Variants in SPTB observed in about 807,000 individuals in gnomAD.
The protein encoded by SPTB is spectrin beta chain, erythrocytic.
Under a neutral mutation model 256.2 loss-of-function variants are expected in SPTB, and 45 were observed. That is an observed-to-expected ratio of 0.18 (90% CI 0.14 to 0.23). The LOEUF is 0.23. Ranked by LOEUF, SPTB falls within the 10% of genes least tolerant of loss-of-function variation. SPTB has a pLI of 1.00. For missense variants in SPTB, 2,715 were observed against 3,040.4 expected (o/e 0.89, Z 2.52); for synonymous variants, 1,231 against 1,243.1 (o/e 0.99, Z 0.21).
At chr14:64,813,660 C>T (rs2083133622) in intron 2 of SPTB, among the ~76,000 whole-genome samples, 1 of 152,162 alleles carries the variant, frequency 6.6e-6, no homozygotes, top group Non-Finnish European at 1.5e-5. Flanking sequence ...GTAGCTGGGA[C>T]TACAGGCAAG....
At chr14:64,878,964 G>A (rs1882969665) in intron 1 of SPTB, among the ~76,000 whole-genome samples, 1 of 152,200 alleles carries the variant, frequency 6.6e-6, no homozygotes, top group South Asian at 2.1e-4. Context: ...CTCCAGCCCC[G>A]CAGCTGCTTC....
At position 64,767,889 on chromosome 14, in the gene SPTB, C is replaced by A. The variant is rs1284191564; in HGVS notation, c.6023-30G>T. The A allele has an allele frequency of 8.1e-6, 13 of 1,611,006 alleles. No homozygotes were observed. Among genetic ancestry groups the A allele is most frequent in the South Asian group, 4.4e-5 (4 of 90,852 alleles). ...CAGGGGGAACAGGACACAGACCCCC[C>A]ACAAGGCCCAGGGCCTGTTAGCACC... On this transcript the variant is annotated intron_variant, in intron 29 of 35. Coordinates refer to ENST00000644917, the MANE Select transcript of SPTB (RefSeq NM_001355436.2).
At chr14:64,753,442 C>T in intron 33 of SPTB, 95 bp downstream of exon 33, 2 of 1,592,428 alleles carry the variant, frequency 1.3e-6, no homozygotes, top group Admixed American at 1.7e-5. Flanking sequence ...GCACCCCTCC[C>T]CCAGCACATG....
intron 15 of SPTB, among the ~76,000 whole-genome samples, chr14:64,789,211 G>GTA (rs1343516864): frequency 1.3e-5 from 2 of 152,054 alleles, no homozygotes; most frequent in African/African-American, 4.8e-5. Context: ...AATTAGCTGG[G>GTA]TATAGTAGTG....
Position 64,753,559 on chromosome 14 carries a change from G to A in SPTB, c.6580C>T (p.Pro2194Ser), listed in dbSNP as rs1405076886. The change falls in exon 33 of 36, where the codon CCC becomes TCC. Residue 2194 changes from proline (P) to serine (S), a missense_variant. By Grantham distance (74) the Pro-to-Ser change is moderately conservative. This residue lies in a region of SPTB where 2,239 missense variants were observed against 2,384.4 expected (regional missense o/e 0.94). Transcript: ENST00000644917. Reference sequence around the variant, plus strand: ...CACCTGTTGGAAGCCTTCTTGTTGGGCCCCTCCAGGTCATGCTTGCGGCCC... The same window carrying A: ...CACCTGTTGGAAGCCTTCTTGTTGGACCCCTCCAGGTCATGCTTGCGGCCC... ...YLGRKHDLEG[P>S]NKKASNRSWN... The A allele has an allele frequency of 2.5e-6, 4 of 1,613,338 alleles. No individual in the cohort carries two copies. The highest frequency in any genetic ancestry group is 3.4e-6 in the Non-Finnish European group (4 of 1,180,010).
chr14:64,764,454 G>A lies in SPTB; in HGVS notation c.6345+2272C>T, dbSNP rs1384730980. Among the ~76,000 whole-genome samples, 3 of 152,156 alleles carry A rather than the reference G, an allele frequency of 2.0e-5. No individual in the cohort carries two copies. Among genetic ancestry groups the A allele is most frequent in the Non-Finnish European group, 2.9e-5 (2 of 68,018 alleles). On this transcript the variant is annotated intron_variant, in intron 32 of 35. Coordinates refer to ENST00000644917, the MANE Select transcript of SPTB (RefSeq NM_001355436.2). This position sits in a 1 kb window ranked among gnomAD's most constrained non-coding sequence, Gnocchi z 4.2. ...CCATCTGGTTTCTTTCCGGTACCGG[G>A]CACAAGCCAGTCTTCCCATCTGCTG...
chr14:64,789,554 A>G (rs1240346146), intron 15 of SPTB, among the ~76,000 whole-genome samples: 1 of 152,198 alleles, frequency 6.6e-6, no homozygotes, highest in African/African-American at 2.4e-5. Context: ...AGCGGGGGCC[A>G]TGCCAGTAAG....
At chr14:64,803,801 C>T (rs754444467) in intron 3 of SPTB, 21 bp from the exon 4 acceptor site, 3 of 1,591,980 alleles carry the variant, frequency 1.9e-6, no homozygotes, top group South Asian at 2.3e-5. Flanking sequence ...GCAGTGGCCC[C>T]CGTGGGCATG....
intron 1 of SPTB, among the ~76,000 whole-genome samples, chr14:64,870,416 G>A (rs996909755): frequency 7.9e-5 from 12 of 152,020 alleles, no homozygotes; most frequent in African/African-American, 2.9e-4. Flanking sequence ...CCAGCTCAAG[G>A]AGATTTTTTA....
intron 2 of SPTB, among the ~76,000 whole-genome samples, chr14:64,808,846 GA>G (rs2083035412): frequency 1.3e-5 from 2 of 152,152 alleles, no homozygotes. Context: ...AGGGTTCCAG[GA>G]AGAGAGAGGT....
At chr14:64,800,158 C>A (rs1395893292) in intron 8 of SPTB, among the ~76,000 whole-genome samples, 1 of 152,224 alleles carries the variant, frequency 6.6e-6, no homozygotes, top group Non-Finnish European at 1.5e-5. Flanking sequence ...AGCGAGCTGG[C>A]CTGTTAAGGG....
rs1244530833 is a variant in SPTB at position 64,747,145 on chromosome 14, TGTG to T, written c.*2158_*2160del. 1.3e-5 allele frequency: 2 copies of T among 152,540 alleles called. No individual in the cohort carries two copies. Among genetic ancestry groups the T allele is most frequent in the Non-Finnish European group, 2.9e-5 (2 of 68,072 alleles). The allele number at this position is 152,540 out of a possible 1,614,324, so 9.4% of individuals were successfully genotyped here. A position where few individuals can be genotyped will look rare whatever the true frequency, so the allele number is the denominator to read the frequency against. ...ACTAGAGCCCTTCCTTTCTCGGGTC[TGTG>T]GAGTTGCTTGCTGGAAATGCCTCAC... is the stretch of plus-strand genomic sequence containing the variant. On this transcript the variant is annotated 3_prime_UTR_variant, in exon 36 of 36. Transcript: ENST00000644917.
At chr14:64,799,605 G>T in intron 9 of SPTB, 142 bp downstream of exon 9, 1 of 984,322 alleles carries the variant, frequency 1.0e-6, no homozygotes, top group Non-Finnish European at 1.6e-6. Context: ...AGGGGCACAA[G>T]GCAGGTGACA....
At chr14:64,797,948 CA>C in intron 9 of SPTB, 102 bp from the exon 10 acceptor site, 2 of 824,994 alleles carry the variant, frequency 2.4e-6, no homozygotes, top group Non-Finnish European at 4.3e-6. Context: ...GCGTAGATAG[CA>C]AAGCATATTT....
intron 1 of SPTB, among the ~76,000 whole-genome samples, chr14:64,871,167 T>C (rs1288453438): frequency 6.6e-6 from 1 of 152,250 alleles, no homozygotes; most frequent in Non-Finnish European, 1.5e-5. Context: ...AGGGTGCATG[T>C]ATCTAGCCCT....
Position 64,803,712 on chromosome 14 carries a change from G to T in SPTB, c.369C>A (p.Leu123=). Residue 123 remains leucine, a synonymous_variant, in exon 4 of 36, where the codon CTC becomes CTA. Coordinates refer to ENST00000644917, the MANE Select transcript of SPTB (RefSeq NM_001355436.2). ...TCTCCAGGTGTACACGCTGCTCCTT[G>T]AGGAACTGGAGAGCCTTGTCCACAT... ...LENVDKALQF[L]KEQRVHLENM... The T allele has an allele frequency of 6.2e-7, 1 of 1,614,172 alleles. No individual in the cohort carries two copies. The highest frequency in any genetic ancestry group is 8.5e-7 in the Non-Finnish European group (1 of 1,180,026).
intron 32 of SPTB, chr14:64,763,901 AC>A: frequency 1.9e-6 from 1 of 518,310 alleles, no homozygotes; most frequent in South Asian, 1.4e-5. Flanking sequence ...ACGTGCACAC[AC>A]ACGTGGGGAA....
At chr14:64,762,238 CAT>C (rs1431595427) in intron 32 of SPTB, among the ~76,000 whole-genome samples, 7 of 152,196 alleles carry the variant, frequency 4.6e-5, no homozygotes, top group Non-Finnish European at 8.8e-5. Flanking sequence ...TACCAACAAA[CAT>C]AGGATTTGCA....
chr14:64,845,070 T>C lies in SPTB; in HGVS notation c.-51-21925A>G, dbSNP rs1251466800. On this transcript the variant is annotated intron_variant, in intron 1 of 35. Transcript: ENST00000644917. This position sits in a 1 kb window ranked among gnomAD's most constrained non-coding sequence, Gnocchi z 4.8. ...AAGCAAAGCACTGAGAAATGAAAGA[T>C]CCAAAGTAATCCATAACCAAACCAG... Among the ~76,000 whole-genome samples the C allele has an allele frequency of 6.6e-6, 1 of 152,126 alleles. No homozygotes were observed. The highest frequency in any genetic ancestry group is 1.5e-5 in the Non-Finnish European group (1 of 68,032).
Sources: gnomAD v4.1 joint callset for allele counts (sites outside exome capture counted in the v4.1 genomes callset) on GRCh38, gnomAD v4.1.1 for gene constraint, gnomAD v4.1.1 regional missense constraint, Gnocchi (gnomAD v3.1) non-coding constraint, MANE v1.5 for transcripts, NCBI Gene and HGNC (gene_info 2026-07-23, HGNC 2026-07-21) for gene names.